SDK1: variants seen among roughly 807,000 people sequenced by gnomAD.
SDK1 encodes sidekick cell adhesion molecule 1.
A neutral mutation model predicts 245.5 loss-of-function variants in SDK1; 157 were observed. The ratio of observed to expected loss-of-function variants is 0.64; its 90% CI spans 0.56 to 0.73. The LOEUF is 0.73. Ranked by LOEUF, SDK1 falls within the 30% of genes least tolerant of loss-of-function variation. The pLI is 0.00. For synonymous variants in SDK1, 1,647 were observed against 1,278.5 expected, an observed-to-expected ratio of 1.29 and a Z score of -6.15; for missense variants, 3,583 against 3,002.3, an observed-to-expected ratio of 1.19 and a Z score of -4.52.
In SDK1 at chr7:3,739,837, T is replaced by A. The variant is rs115292670; in HGVS notation, c.714-81613T>A. 7.1e-3 allele frequency among the ~76,000 whole-genome samples: 1,076 copies of A among 152,336 alleles called. 15 individuals are homozygous for A. Among genetic ancestry groups the A allele is most frequent in the African/African-American group, 0.024 (1,011 of 41,570 alleles). ...CCTATTTCTTTGCATATTTCATAAATGTTTTTTAACAACTGGGCATTTGAA... is the reference window on the plus strand; with the variant it reads ...CCTATTTCTTTGCATATTTCATAAAAGTTTTTTAACAACTGGGCATTTGAA... On this transcript the variant is annotated intron_variant, in intron 4 of 44. Coordinates refer to ENST00000404826, the MANE Select transcript of SDK1 (RefSeq NM_152744.4).
intron 1 of SDK1, among the ~76,000 whole-genome samples, chr7:3,348,129 A>G (rs1211113188): frequency 6.6e-6 from 1 of 152,184 alleles, no homozygotes; most frequent in Admixed American, 6.5e-5. Flanking sequence ...CGATGTTTAC[A>G]TCACAGACAG....
At chr7:3,690,415 C>T (rs1343836349) in intron 4 of SDK1, among the ~76,000 whole-genome samples, 1 of 151,998 alleles carries the variant, frequency 6.6e-6, no homozygotes, top group African/African-American at 2.4e-5. Context: ...TGTTAATGTT[C>T]AGTGATAGTG....
intron 4 of SDK1, among the ~76,000 whole-genome samples, chr7:3,737,254 C>G (rs933345458): frequency 8.5e-5 from 13 of 152,182 alleles, no homozygotes; most frequent in Admixed American, 4.6e-4. Context: ...GCTGTCTGGG[C>G]TCTCTGGTCA....
chr7:4,061,608 T>G lies in SDK1; in HGVS notation c.2912-6230T>G, dbSNP rs1328927697. On this transcript the variant is annotated intron_variant, in intron 19 of 44. Transcript: ENST00000404826. ...AGGGATCTAGGACTAGAAATACCAT[T>G]TGACCCAGCCATCCCATTACTGGGT... Among the ~76,000 whole-genome samples, 3 of 152,186 alleles carry G rather than the reference T, an allele frequency of 2.0e-5. No individual in the cohort carries two copies. The East Asian group carries it at 5.8e-4, about 29-fold the overall frequency.
intron 40 of SDK1, 106 bp downstream of exon 40, chr7:4,221,470 A>G: frequency 1.4e-6 from 2 of 1,392,244 alleles, no homozygotes; most frequent in South Asian, 1.4e-5. Flanking sequence ...TTTTCCCCCC[A>G]CAAAGCTGGG....
intron 41 of SDK1, among the ~76,000 whole-genome samples, chr7:4,234,785 G>A (rs1334840348): frequency 6.6e-6 from 1 of 152,214 alleles, no homozygotes; most frequent in Non-Finnish European, 1.5e-5. Flanking sequence ...CTGCAAGCCA[G>A]GGCGCTGGGG....
intron 20 of SDK1, among the ~76,000 whole-genome samples, chr7:4,074,907 TATATATATA>T (rs368973412): frequency 4.2e-3 from 372 of 88,602 alleles, no homozygotes; most frequent in South Asian, 6.8e-3. Flanking sequence ...TATATATATA[TATATATATA>T]TTTTTTTTTT....
At chr7:4,095,347 C>T (rs1782081273) in intron 22 of SDK1, among the ~76,000 whole-genome samples, 1 of 151,888 alleles carries the variant, frequency 6.6e-6, no homozygotes, top group African/African-American at 2.4e-5. Flanking sequence ...TTCCTCAGCT[C>T]CCCCACACCT....
rs1319630351 is a variant in SDK1 at position 4,223,294 on chromosome 7, T to C, written c.5827+1930T>C. 5.9e-5 allele frequency among the ~76,000 whole-genome samples: 9 copies of C among 152,320 alleles called. No homozygotes were observed. In the East Asian group the frequency reaches 1.5e-3, roughly 26 times the overall value. On this transcript the variant is annotated intron_variant, in intron 40 of 44. Coordinates refer to ENST00000404826, the MANE Select transcript of SDK1 (RefSeq NM_152744.4). ...CTGACCTCTAACTAGAATTTGGCAT[T>C]TCCTGTAATTATGGATGCAGGCACA...
At chr7:3,820,833 A>G (rs74715645) in intron 4 of SDK1, among the ~76,000 whole-genome samples, 2,120 of 152,296 alleles carry the variant, frequency 0.014, 26 homozygotes, top group Middle Eastern at 0.027. Flanking sequence ...CTTGGTCACG[A>G]TCAAGAAGAC....
chr7:4,095,717 C>T (rs1782111374), intron 22 of SDK1, among the ~76,000 whole-genome samples: 1 of 152,148 alleles, frequency 6.6e-6, no homozygotes, highest in African/African-American at 2.4e-5. Flanking sequence ...GGATTGCAGG[C>T]ACTCGCCACC....
intron 22 of SDK1, among the ~76,000 whole-genome samples, chr7:4,080,240 C>T (rs945207041): frequency 7.2e-5 from 11 of 151,958 alleles, no homozygotes; most frequent in African/African-American, 2.2e-4. Context: ...TGGACTCCGC[C>T]GAGAGACTTC....
intron 5 of SDK1, among the ~76,000 whole-genome samples, chr7:3,911,914 T>C (rs951210035): frequency 5.3e-5 from 8 of 152,174 alleles, no homozygotes; most frequent in Non-Finnish European, 1.0e-4. Context: ...CTCACCTTGC[T>C]GTGGAGACGT....
chr7:3,908,426 A>G (rs986476558), intron 5 of SDK1, among the ~76,000 whole-genome samples: 1 of 152,042 alleles, frequency 6.6e-6, no homozygotes, highest in African/African-American at 2.4e-5. Flanking sequence ...CCCTTCATAC[A>G]CGGCTGGCCA....
rs373476707 is a variant in SDK1, at chr7:3,417,095, A to G, written c.298+115211A>G. On this transcript the variant is annotated intron_variant, in intron 1 of 44. Coordinates refer to ENST00000404826, the MANE Select transcript of SDK1 (RefSeq NM_152744.4). The stretch of plus-strand genomic sequence containing the variant: ...AGGCTGAGGCAGGAGAATCCCCTGA[A>G]CCCAGGAGGTGGAGGTTGCAGGGAG... Among the ~76,000 whole-genome samples, 152 of 152,134 alleles carry G rather than the reference A, an allele frequency of 1.0e-3. 1 individual carries two copies. The highest frequency in any genetic ancestry group is 3.5e-3 in the African/African-American group (144 of 41,528).
At chr7:4,138,031 G>C (rs1779210673) in intron 28 of SDK1, among the ~76,000 whole-genome samples, 1 of 152,184 alleles carries the variant, frequency 6.6e-6, no homozygotes, top group Admixed American at 6.5e-5. Flanking sequence ...CCGTGGTGTG[G>C]CGACCAGCTG....
intron 4 of SDK1, among the ~76,000 whole-genome samples, chr7:3,814,213 C>G (rs1180415451): frequency 6.6e-6 from 1 of 151,540 alleles, no homozygotes; most frequent in African/African-American, 2.4e-5. Flanking sequence ...ATGGTAATGC[C>G]TAGGTTATCT....
chr7:3,779,723 G>C (rs1780671075), intron 4 of SDK1, among the ~76,000 whole-genome samples: 2 of 151,964 alleles, frequency 1.3e-5, no homozygotes, highest in African/African-American at 4.8e-5. Context: ...ATGAGGTCAG[G>C]AGATCGAGAC....
At chr7:3,638,276 AT>A (rs1398948035) in intron 2 of SDK1, among the ~76,000 whole-genome samples, 1 of 152,154 alleles carries the variant, frequency 6.6e-6, no homozygotes, top group Non-Finnish European at 1.5e-5. Context: ...CAGCCATCCC[AT>A]TACTGGGTAT....
Sources: gnomAD v4.1 joint callset for allele counts (sites outside exome capture counted in the v4.1 genomes callset) on GRCh38, gnomAD v4.1.1 for gene constraint, MANE v1.5 for transcripts, NCBI Gene and HGNC (gene_info 2026-07-23, HGNC 2026-07-21) for gene names.